MANBA: variants seen among roughly 807,000 people sequenced by gnomAD.
MANBA encodes the protein beta-mannosidase.
A neutral mutation model predicts 111.1 loss-of-function variants in MANBA; 83 were observed. The observed-to-expected ratio is 0.75, with a 90% CI of 0.63 to 0.90. MANBA has a LOEUF of 0.90. Among genes scored for constraint, MANBA ranks in the 40% least tolerant of loss-of-function variants. The probability of loss-of-function intolerance (pLI) is 0.00; values close to 1 mark genes in which losing one functional copy is unlikely to be tolerated. For missense variants in MANBA, 1,036 were observed against 1,069.0 expected, an observed-to-expected ratio of 0.97 and a Z score of 0.43; for synonymous variants, 370 against 378.7, an observed-to-expected ratio of 0.98 and a Z score of 0.27.
chr4:102,632,997 G>A (rs1240509170), intron 16 of MANBA, among the ~76,000 whole-genome samples: 1 of 152,116 alleles, frequency 6.6e-6, no homozygotes, highest in Non-Finnish European at 1.5e-5. Context: ...TTCTTAATCT[G>A]TGCATTTGTC....
chr4:102,691,024 A>C (rs1459153307), intron 5 of MANBA: 1 of 156,668 alleles, frequency 6.4e-6, no homozygotes, highest in Non-Finnish European at 1.4e-5. Flanking sequence ...TATGATTGTA[A>C]GTCATAAAAA....
intron 7 of MANBA, among the ~76,000 whole-genome samples, chr4:102,676,133 A>G (rs950319120): frequency 6.6e-6 from 1 of 152,210 alleles, no homozygotes; most frequent in Non-Finnish European, 1.5e-5. Flanking sequence ...TAAGAAGTGA[A>G]ATTATGATGA....
intron 13 of MANBA, among the ~76,000 whole-genome samples, chr4:102,640,725 T>C (rs1429237896): frequency 2.0e-5 from 3 of 152,042 alleles, no homozygotes; most frequent in Non-Finnish European, 4.4e-5. Context: ...GAATGGTGCA[T>C]ATGGCCACCA....
intron 7 of MANBA, among the ~76,000 whole-genome samples, chr4:102,686,002 G>A (rs1173771428): frequency 1.3e-5 from 2 of 152,002 alleles, no homozygotes; most frequent in Non-Finnish European, 2.9e-5. Context: ...CTTACTTCCT[G>A]GAACAGCAAG....
chr4:102,654,751 T>A (rs1035980074), intron 12 of MANBA, among the ~76,000 whole-genome samples: 3 of 152,186 alleles, frequency 2.0e-5, no homozygotes, highest in Non-Finnish European at 2.9e-5. Flanking sequence ...GGTAAATCAT[T>A]GAAATGTACT....
intron 1 of MANBA, among the ~76,000 whole-genome samples, chr4:102,737,565 C>G (rs905466702): frequency 2.0e-5 from 3 of 152,096 alleles, no homozygotes; most frequent in African/African-American, 7.2e-5. Flanking sequence ...TCACTGCAAG[C>G]TCCGCCTCCC....
At chr4:102,751,380 G>A in intron 1 of MANBA, 2 of 402,250 alleles carry the variant, frequency 5.0e-6, no homozygotes, top group East Asian at 1.3e-4. Flanking sequence ...TAACCCAAAA[G>A]TCTTGTGTGT....
chr4:102,660,106 G>T (rs912152210), intron 11 of MANBA, among the ~76,000 whole-genome samples: 3 of 152,020 alleles, frequency 2.0e-5, no homozygotes, highest in Admixed American at 6.6e-5. Flanking sequence ...TGCCAACATC[G>T]CAAATCCAAC....
At chr4:102,641,780 T>C (rs1729888834) in intron 13 of MANBA, among the ~76,000 whole-genome samples, 1 of 152,106 alleles carries the variant, frequency 6.6e-6, no homozygotes, top group South Asian at 2.1e-4. Context: ...TTTTTCCTGG[T>C]TTAATAGGTA....
At chr4:102,692,611 G>A (rs992755519) in intron 5 of MANBA, among the ~76,000 whole-genome samples, 13 of 151,938 alleles carry the variant, frequency 8.6e-5, no homozygotes, top group South Asian at 2.1e-4. Flanking sequence ...AAAGCTTGGA[G>A]GTACAGGGGG....
chr4:102,751,924 A>T, intron 1 of MANBA: 1 of 648,698 alleles, frequency 1.5e-6, no homozygotes, highest in South Asian at 1.4e-5. Flanking sequence ...TGGAATAGAG[A>T]GAAACAAAGT....
intron 5 of MANBA, among the ~76,000 whole-genome samples, chr4:102,701,632 T>A (rs1733051269): frequency 6.6e-6 from 1 of 151,648 alleles, no homozygotes; most frequent in Non-Finnish European, 1.5e-5. Context: ...TTAGTTTGGC[T>A]GGATATGAAA....
intron 7 of MANBA, among the ~76,000 whole-genome samples, chr4:102,676,411 T>C (rs565945628): frequency 1.3e-5 from 2 of 152,216 alleles, no homozygotes; most frequent in South Asian, 4.1e-4. Flanking sequence ...TATGCACCCC[T>C]GGCTGGAGAA....
At chr4:102,712,507 T>C (rs964222275) in intron 5 of MANBA, among the ~76,000 whole-genome samples, 3 of 150,972 alleles carry the variant, frequency 2.0e-5, no homozygotes, top group African/African-American at 7.4e-5. Flanking sequence ...TAAATAACTT[T>C]TTGCTAAATC....
At position 102,676,617 on chromosome 4, in the gene MANBA, G is replaced by A. The variant is rs1192962351; in HGVS notation, c.961-2547C>T. 5.3e-5 allele frequency among the ~76,000 whole-genome samples: 8 copies of A among 152,304 alleles called. No individual in the cohort carries two copies. In the East Asian group the frequency reaches 1.5e-3, roughly 29 times the overall value. ...AATCATACTTTTGCTTTACAAATGA[G>A]TGAATCTCCAGATATAGATGGACTT... On this transcript the variant is annotated intron_variant, in intron 7 of 16. Transcript: ENST00000647097.
chr4:102,756,797 T>TAAAA (rs35787338), intron 1 of MANBA, among the ~76,000 whole-genome samples: 1,215 of 70,604 alleles, frequency 0.017, 1 homozygote, highest in Middle Eastern at 0.025. Flanking sequence ...AGAGACTATC[T>TAAAA]AAAAAAAAAA....
intron 10 of MANBA, chr4:102,668,603 G>A (rs1219623031): frequency 2.3e-5 from 6 of 262,496 alleles, no homozygotes; most frequent in South Asian, 4.4e-5. Context: ...TTGCTGAGAT[G>A]GAGAAAACTT....
intron 13 of MANBA, 116 bp downstream of exon 13, chr4:102,650,403 TTTGAAGAAAATAAATTCC>T (rs1730278834): frequency 2.1e-6 from 2 of 931,116 alleles, no homozygotes; most frequent in Admixed American, 4.0e-5. Context: ...ATATATGTTC[TTTGAAGAAAATAAATTCC>T]TTAACCAGTG....
chr4:102,635,985 C>T lies in MANBA; in HGVS notation c.2037G>A (p.Met679Ile), dbSNP rs773738624. The change falls in exon 15 of 17, where the codon ATG (methionine) becomes ATA (isoleucine). Residue 679 changes from methionine to isoleucine, a missense_variant. By Grantham distance (10) the Met-to-Ile change is conservative (BLOSUM62 1). Transcript: ENST00000647097. Reference protein sequence around the residue: ...ASLEYGGKWKMLHYFAQNFFA... With the variant: ...ASLEYGGKWKILHYFAQNFFA... ...AGAAATTCTGAGCAAAGTAATGAAG[C>T]ATTTTCCACTTTCCTCCGTACTCTG... The T allele has an allele frequency of 1.9e-6, 3 of 1,613,746 alleles. No homozygotes were observed. Among genetic ancestry groups the T allele is most frequent in the East Asian group, 4.5e-5 (2 of 44,886 alleles).
Sources: gnomAD v4.1 joint callset for allele counts (sites outside exome capture counted in the v4.1 genomes callset) on GRCh38, gnomAD v4.1.1 for gene constraint, MANE v1.5 for transcripts, NCBI Gene and HGNC (gene_info 2026-07-23, HGNC 2026-07-21) for gene names.